The following FRMPD4 variants were observed in gnomAD, a reference collection of about 807,000 sequenced individuals.
FRMPD4 encodes the protein FERM and PDZ domain containing 4, also known as FERM and PDZ domain-containing protein 4.
In FRMPD4, 22 loss-of-function variants were observed where a neutral mutation model predicts 94.1. The observed-to-expected ratio is 0.23, with a 90% CI of 0.17 to 0.33. The LOEUF is 0.33. FRMPD4 is among the 10% of genes least tolerant of loss of function. The pLI is 1.00. For missense variants in FRMPD4, 1,111 were observed against 1,339.9 expected (o/e 0.83, Z 2.67); for synonymous variants, 631 against 548.6 (o/e 1.15, Z -2.10).
chrX:12,719,399 G>A (rs1191577901), intron 16 of FRMPD4, among the ~76,000 whole-genome samples: 2 of 112,258 alleles, frequency 1.8e-5, no homozygotes, highest in Non-Finnish European at 3.8e-5. Flanking sequence ...GTAAACACAC[G>A]TAGAAAAAAG....
chrX:12,046,574 C>T (rs957680315), intron 3 of FRMPD4, among the ~76,000 whole-genome samples: 2 of 111,728 alleles, frequency 1.8e-5, no homozygotes, highest in Non-Finnish European at 3.8e-5. Context: ...CCTCAGCCCC[C>T]TCTTTGGGTT....
intron 1 of FRMPD4, among the ~76,000 whole-genome samples, chrX:12,358,826 A>G (rs1393997309): frequency 2.7e-5 from 3 of 111,861 alleles, no homozygotes; most frequent in Non-Finnish European, 5.6e-5. Context: ...CTCTACTACA[A>G]GTGTTCAGAA....
intron 1 of FRMPD4, among the ~76,000 whole-genome samples, chrX:12,293,779 G>A (rs1447757904): frequency 1.8e-5 from 2 of 112,263 alleles, no homozygotes; most frequent in Non-Finnish European, 3.8e-5. Flanking sequence ...ACAAAACACG[G>A]GGATTGTTTT....
chrX:11,955,483 AATGTATGT>A (rs61232615), intron 3 of FRMPD4, among the ~76,000 whole-genome samples: 3 of 107,929 alleles, frequency 2.8e-5, no homozygotes, highest in African/African-American at 1.0e-4. Context: ...TAAATAAATA[AATGTATGT>A]ATGTATGTAT....
intron 2 of FRMPD4, among the ~76,000 whole-genome samples, chrX:12,514,272 G>A (rs1728404175): frequency 9.0e-6 from 1 of 111,340 alleles, no homozygotes; most frequent in Non-Finnish European, 1.9e-5. Flanking sequence ...GGAATGGTGA[G>A]AGAGGGCATC....
intron 1 of FRMPD4, among the ~76,000 whole-genome samples, chrX:12,341,440 T>C (rs1293800097): frequency 8.9e-6 from 1 of 111,941 alleles, no homozygotes; most frequent in African/African-American, 3.2e-5. Flanking sequence ...GATTACTGAC[T>C]CTAAAGGAAA....
chrX:12,332,117 T>C (rs2055430936), intron 1 of FRMPD4, among the ~76,000 whole-genome samples: 1 of 82,597 alleles, frequency 1.2e-5, no homozygotes, highest in Non-Finnish European at 2.2e-5. Context: ...TTATATATAA[T>C]TTATATTTTA....
chrX:11,847,889 G>C (rs1439905237), intron 1 of FRMPD4, among the ~76,000 whole-genome samples: 1 of 72,420 alleles, frequency 1.4e-5, no homozygotes, highest in African/African-American at 5.4e-5. Flanking sequence ...TTGTGGGGTC[G>C]GGGGAGGGGG....
chrX:11,838,358 G>A (rs1156776893), intron 1 of FRMPD4, among the ~76,000 whole-genome samples: 2 of 111,660 alleles, frequency 1.8e-5, no homozygotes, highest in Non-Finnish European at 3.8e-5. Flanking sequence ...TATCGAAACT[G>A]TAACCATTTA....
intron 1 of FRMPD4, among the ~76,000 whole-genome samples, chrX:12,189,750 C>T (rs1281447375): frequency 9.0e-6 from 1 of 111,284 alleles, no homozygotes; most frequent in Non-Finnish European, 1.9e-5. Flanking sequence ...GGACAGAATG[C>T]ACATAAAAAA....
chrX:12,335,880 A>G (rs1212370980), intron 1 of FRMPD4, among the ~76,000 whole-genome samples: 1 of 112,230 alleles, frequency 8.9e-6, no homozygotes, highest in Non-Finnish European at 1.9e-5. Flanking sequence ...CAGCTTTGAC[A>G]ATATCATTTA....
intron 3 of FRMPD4, among the ~76,000 whole-genome samples, chrX:11,879,124 A>G (rs2053800492): frequency 8.9e-6 from 1 of 112,236 alleles, no homozygotes; most frequent in Non-Finnish European, 1.9e-5. Context: ...TTAGAAATTG[A>G]TGTTATTCTA....
intron 1 of FRMPD4, among the ~76,000 whole-genome samples, chrX:12,388,115 G>A (rs2056422317): frequency 9.0e-6 from 1 of 111,359 alleles, no homozygotes; most frequent in Non-Finnish European, 1.9e-5. Flanking sequence ...TCACTGGGAA[G>A]GCATAAGAGG....
chrX:12,415,582 A>G (rs2056789705), intron 1 of FRMPD4, among the ~76,000 whole-genome samples: 1 of 111,853 alleles, frequency 8.9e-6, no homozygotes, highest in African/African-American at 3.3e-5. Flanking sequence ...TTGATTCACA[A>G]GGCTCTCACC....
chrX:12,356,120 A>T (rs1354492151), intron 1 of FRMPD4, among the ~76,000 whole-genome samples: 1 of 111,241 alleles, frequency 9.0e-6, no homozygotes, highest in East Asian at 2.8e-4. Flanking sequence ...CAGAGTGTTA[A>T]TCTTCCTCAC....
At chrX:11,978,663 A>T (rs1192874272) in intron 3 of FRMPD4, among the ~76,000 whole-genome samples, 1 of 112,230 alleles carries the variant, frequency 8.9e-6, no homozygotes, top group Admixed American at 9.4e-5. Flanking sequence ...GCTGTTATGA[A>T]AATGGAATCT....
At chrX:12,432,079 C>A (rs1387267647) in intron 1 of FRMPD4, among the ~76,000 whole-genome samples, 1 of 111,886 alleles carries the variant, frequency 8.9e-6, no homozygotes, top group East Asian at 2.8e-4. Flanking sequence ...ATTATGAGCC[C>A]ATGTCTGCCT....
chrX:12,565,223 C>T (rs1466999912), intron 2 of FRMPD4, among the ~76,000 whole-genome samples: 1 of 111,426 alleles, frequency 9.0e-6, no homozygotes, highest in Non-Finnish European at 1.9e-5. Flanking sequence ...CAGAAAAATT[C>T]CAAATAATTT....
At chrX:12,264,521 T>C (rs1295507071) in intron 1 of FRMPD4, among the ~76,000 whole-genome samples, 1 of 112,101 alleles carries the variant, frequency 8.9e-6, no homozygotes, top group Non-Finnish European at 1.9e-5. Context: ...TTGCCCTATA[T>C]TAATATGTCT....
Sources: gnomAD v4.1 joint callset for allele counts (sites outside exome capture counted in the v4.1 genomes callset) on GRCh38, gnomAD v4.1.1 for gene constraint, MANE v1.5 for transcripts, NCBI Gene and HGNC (gene_info 2026-07-23, HGNC 2026-07-21) for gene names.